The following DIP2A variants were observed in gnomAD, a reference collection of about 807,000 sequenced individuals.
DIP2A encodes disco-interacting protein 2 homolog A.
A neutral mutation model predicts 177.4 loss-of-function variants in DIP2A; 85 were observed. The observed-to-expected ratio is 0.48, with a 90% CI of 0.40 to 0.57. The LOEUF (loss-of-function observed/expected upper bound fraction) is 0.57. DIP2A is among the 20% of genes least tolerant of loss of function. DIP2A has a pLI of 0.00. For synonymous variants in DIP2A, 886 were observed against 881.8 expected (o/e 1.00, Z -0.08); for missense variants, 1,791 against 2,100.2 (o/e 0.85, Z 2.88).
rs2059682783 is a variant in DIP2A, at chr21:46,538,862, A to G, written c.1921+260A>G. 2.7e-5 allele frequency: 12 copies of G among 442,362 alleles called. No homozygotes were observed. The South Asian group carries it at 3.1e-4, about 11-fold the overall frequency. 27.4% of individuals were successfully genotyped at this position (442,362 alleles called of 1,614,324 possible). A position where few individuals can be genotyped will look rare whatever the true frequency, so the allele number is the denominator to read the frequency against. Reference sequence around the variant, plus strand: ...TGCCTTAATGAGAGTCATCTTTCTTAAGAAATTACCAGATTGTGCTGTGGC... The same window carrying G: ...TGCCTTAATGAGAGTCATCTTTCTTGAGAAATTACCAGATTGTGCTGTGGC... On this transcript the variant is annotated intron_variant, in intron 16 of 37. Coordinates refer to ENST00000417564, the MANE Select transcript of DIP2A (RefSeq NM_015151.4).
At chr21:46,479,824 T>C (rs1419798650) in intron 1 of DIP2A, among the ~76,000 whole-genome samples, 3 of 152,194 alleles carry the variant, frequency 2.0e-5, no homozygotes, top group Admixed American at 6.5e-5. Context: ...TGAGCCACCA[T>C]GCTTGGCTGC....
chr21:46,544,705 G>A (rs2059957188), intron 18 of DIP2A, among the ~76,000 whole-genome samples: 1 of 152,154 alleles, frequency 6.6e-6, no homozygotes, highest in Non-Finnish European at 1.5e-5. Flanking sequence ...ACTAGAAAGG[G>A]GGCAGGCATG....
chr21:46,537,183 G>C lies in DIP2A; in HGVS notation c.1643-41G>C, dbSNP rs943935654. On this transcript the variant is annotated intron_variant, in intron 13 of 37. Transcript: ENST00000417564. The surrounding 1 kb of genome is among the most constrained non-coding windows in gnomAD (Gnocchi z 4.1). ...CTAGAAAATGCATAGGGCTTATTGAGAGGGTTGCTCAGTGGTGTCACCTTC... is the reference window on the plus strand; with the variant it reads ...CTAGAAAATGCATAGGGCTTATTGACAGGGTTGCTCAGTGGTGTCACCTTC... 3.7e-6 allele frequency: 6 copies of C among 1,608,978 alleles called. No homozygotes were observed. Among genetic ancestry groups the C allele is most frequent in the Non-Finnish European group, 5.1e-6 (6 of 1,175,346 alleles).
At chr21:46,481,603 GT>G (rs2056347085) in intron 1 of DIP2A, among the ~76,000 whole-genome samples, 1 of 152,192 alleles carries the variant, frequency 6.6e-6, no homozygotes, top group Admixed American at 6.5e-5. Context: ...TTGCTTCACA[GT>G]CTTTGTCAGC....
intron 21 of DIP2A, among the ~76,000 whole-genome samples, chr21:46,547,572 C>G (rs1425929668): frequency 6.6e-6 from 1 of 151,662 alleles, no homozygotes; most frequent in African/African-American, 2.4e-5. Flanking sequence ...TACTCCCAAG[C>G]TCCTTGTCTG....
At chr21:46,567,189 T>G (rs2060861912) in intron 37 of DIP2A, among the ~76,000 whole-genome samples, 181 bp from the exon 38 acceptor site, 1 of 152,176 alleles carries the variant, frequency 6.6e-6, no homozygotes, top group African/African-American at 2.4e-5. Context: ...AGTAAAAGCT[T>G]TAGTTGGAAT....
rs146734401 is a variant in DIP2A at position 46,547,709 on chromosome 21, A to G, written c.2522+667A>G. Among the ~76,000 whole-genome samples, 16 of 123,908 alleles carry G rather than the reference A, an allele frequency of 1.3e-4. No individual in the cohort carries two copies. The South Asian group carries it at 4.0e-3, about 31-fold the overall frequency. 81.3% of individuals were successfully genotyped at this position (123,908 alleles called of 152,430 possible). On this transcript the variant is annotated intron_variant, in intron 21 of 37. Transcript: ENST00000417564. ...AAGATAGGGTCTCACTCTGTTGCCCATCCAGGCTGGAGTGCAGTAGTGTGA... is the reference window on the plus strand; with the variant it reads ...AAGATAGGGTCTCACTCTGTTGCCCGTCCAGGCTGGAGTGCAGTAGTGTGA...
the DIP2A span, among the ~76,000 whole-genome samples, chr21:46,581,024 A>G: frequency 6.6e-6 from 1 of 152,200 alleles, no homozygotes; most frequent in African/African-American, 2.4e-5. Context: ...CCTGGATGAT[A>G]TCCTGAAGTA....
intron 21 of DIP2A, 23 bp downstream of exon 21, chr21:46,547,065 G>A (rs372557115): frequency 1.1e-5 from 17 of 1,607,138 alleles, no homozygotes; most frequent in South Asian, 9.9e-5. Flanking sequence ...GGACCCCCAC[G>A]CCGGGAGTAG....
chr21:46,499,101 C>G (rs1030957222), intron 5 of DIP2A, among the ~76,000 whole-genome samples: 7 of 152,172 alleles, frequency 4.6e-5, no homozygotes, highest in Non-Finnish European at 1.0e-4. Context: ...CAGATTAAAT[C>G]CCTAATAACC....
rs540496034 is a variant in DIP2A at position 46,568,527 on chromosome 21, CAAAA to C, written c.*908_*911del. The C allele has an allele frequency of 6.6e-6, 1 of 151,986 alleles. No individual in the cohort carries two copies. Among genetic ancestry groups the C allele is most frequent in the South Asian group, 2.1e-4 (1 of 4,816 alleles). The allele number at this position is 151,986 out of a possible 1,614,324, so 9.4% of individuals were successfully genotyped here. A position where few individuals can be genotyped will look rare whatever the true frequency, so the allele number is the denominator to read the frequency against. On this transcript the variant is annotated 3_prime_UTR_variant, in exon 38 of 38. Transcript: ENST00000417564. The stretch of plus-strand genomic sequence containing the variant: ...AGCACGAGATGCCGTCTTAAAAAAA[CAAAA>C]AAGAGGTGTGCTGCTTGTCAGCATG...
chr21:46,498,535 C>T lies in DIP2A; in HGVS notation c.404-47C>T. ...GTGTGAGTGGGAACTCCGTCCTCCT[C>T]TTGACTCATCCCGATATCATGCCTG... On this transcript the variant is annotated intron_variant, in intron 4 of 37. Transcript: ENST00000417564. This position sits in a 1 kb window ranked among gnomAD's most constrained non-coding sequence, Gnocchi z 4.3. 1 of 1,564,566 alleles carries T rather than the reference C, an allele frequency of 6.4e-7. No individual in the cohort carries two copies. The highest frequency in any genetic ancestry group is 8.7e-7 in the Non-Finnish European group (1 of 1,154,680).
At chr21:46,492,845 G>C (rs1187502047) in intron 3 of DIP2A, among the ~76,000 whole-genome samples, 3 of 151,968 alleles carry the variant, frequency 2.0e-5, no homozygotes, top group Middle Eastern at 3.2e-3. Flanking sequence ...GGAGACTGAG[G>C]CATGAGAATC....
Position 46,550,742 on chromosome 21 carries a change from C to T in DIP2A, c.2837C>T (p.Pro946Leu). The T allele has an allele frequency of 6.2e-7, 1 of 1,613,918 alleles. No individual in the cohort carries two copies. Among genetic ancestry groups the T allele is most frequent in the Non-Finnish European group, 8.5e-7 (1 of 1,179,850 alleles). Residue 946 changes from proline (P) to leucine (L), a missense_variant and splice_region_variant, in exon 23 of 38, where the codon CCA becomes CTA. Transcript: ENST00000417564. Reference protein sequence around the residue: ...TNLPKPRQKQPEVGPASMIVG... With the variant: ...TNLPKPRQKQLEVGPASMIVG... Reference sequence around the variant, plus strand: ...CTCCCCAAACCTCGTCAGAAACAACCAGGTTAGTTGAACCTAACAACAGGA... The same window carrying T: ...CTCCCCAAACCTCGTCAGAAACAACTAGGTTAGTTGAACCTAACAACAGGA...
At chr21:46,504,531 A>G (rs749090995) in intron 6 of DIP2A, 42 bp downstream of exon 6, 6 of 1,559,712 alleles carry the variant, frequency 3.8e-6, no homozygotes, top group Non-Finnish European at 4.3e-6. Context: ...AGCAGAACAC[A>G]GGTTTTGTCT....
chr21:46,544,357 A>G (rs1601773895), intron 18 of DIP2A, among the ~76,000 whole-genome samples: 1 of 152,214 alleles, frequency 6.6e-6, no homozygotes, highest in African/African-American at 2.4e-5. Context: ...CGAGGCAGAC[A>G]GGTCGTTTGT....
At chr21:46,496,562 T>C (rs879559581) in intron 3 of DIP2A, among the ~76,000 whole-genome samples, 3 of 152,170 alleles carry the variant, frequency 2.0e-5, no homozygotes, top group Admixed American at 1.3e-4. Context: ...TAACGATAGC[T>C]GATAAGCTAA....
intron 33 of DIP2A, 90 bp from the exon 34 acceptor site, chr21:46,561,658 A>G (rs747115819): frequency 2.0e-6 from 3 of 1,481,996 alleles, no homozygotes; most frequent in South Asian, 2.3e-5. Context: ...AGACCCTCAG[A>G]GTGATCATTT....
chr21:46,516,693 CTG>C (rs2058597980), intron 8 of DIP2A, among the ~76,000 whole-genome samples: 1 of 151,818 alleles, frequency 6.6e-6, no homozygotes, highest in African/African-American at 2.4e-5. Flanking sequence ...CAGGGTTTCA[CTG>C]TGTTAGCCAG....
Sources: allele counts gnomAD v4.1 joint callset (sites outside exome capture counted in the v4.1 genomes callset), GRCh38; gene constraint gnomAD v4.1.1; non-coding constraint Gnocchi (gnomAD v3.1); transcripts MANE v1.5; gene names NCBI Gene and HGNC (gene_info 2026-07-23, HGNC 2026-07-21).